Variants in EBF3 observed in about 807,000 individuals in gnomAD.
EBF3 encodes the protein transcription factor COE3.
Under a neutral mutation model 77.1 loss-of-function variants are expected in EBF3, and 18 were observed. The ratio of observed to expected loss-of-function variants is 0.23; its 90% confidence interval spans 0.16 to 0.35. The LOEUF (loss-of-function observed/expected upper bound fraction) is 0.35, where lower values mean the gene tolerates loss of function less well. EBF3 is among the 10% of genes least tolerant of loss of function. The pLI is 1.00. For missense variants in EBF3, 558 were observed against 860.0 expected (o/e 0.65, Z 4.39); for synonymous variants, 350 against 343.5 (o/e 1.02, Z -0.21).
chr10:129,958,656 G>A (rs1259792562), intron 5 of EBF3, among the ~76,000 whole-genome samples: 2 of 152,216 alleles, frequency 1.3e-5, no homozygotes, highest in Admixed American at 6.5e-5. Context: ...GCGGACGGAT[G>A]CATCACCCAG....
Position 129,964,111 on chromosome 10 carries a change from C to CG in EBF3, c.-344dup. On this transcript the variant is annotated 5_prime_UTR_variant, in exon 1 of 17. Transcript: ENST00000440978. This position sits in a 1 kb window ranked among gnomAD's most constrained non-coding sequence, Gnocchi z 4.5. ...CGGCGTCCGCGGCTGCAGGACACTG[C>CG]GGGATCGCCCGCTTCTGGCGCGGCC... 1 of 985,076 alleles carries CG rather than the reference C, an allele frequency of 1.0e-6. No individual in the cohort carries two copies. Among genetic ancestry groups the CG allele is most frequent in the South Asian group, 4.7e-5 (1 of 21,292 alleles). 61.0% of individuals were successfully genotyped at this position (985,076 alleles called of 1,614,324 possible). A position where few individuals can be genotyped will look rare whatever the true frequency, so the allele number is the denominator to read the frequency against.
intron 6 of EBF3, among the ~76,000 whole-genome samples, chr10:129,936,235 G>C (rs1233643129): frequency 6.6e-6 from 1 of 152,200 alleles, no homozygotes; most frequent in African/African-American, 2.4e-5. Flanking sequence ...CCCAGGGAAG[G>C]TGAGGACTGG....
At chr10:129,937,080 TGAG>T (rs1310121594) in intron 6 of EBF3, among the ~76,000 whole-genome samples, 2 of 152,024 alleles carry the variant, frequency 1.3e-5, no homozygotes, top group African/African-American at 4.8e-5. Flanking sequence ...AGGGCTGCAG[TGAG>T]GAGGAGCCCA....
At chr10:129,960,988 C>G (rs1859472834) in intron 4 of EBF3, among the ~76,000 whole-genome samples, 1 of 152,220 alleles carries the variant, frequency 6.6e-6, no homozygotes, top group South Asian at 2.1e-4. Flanking sequence ...CCTGTCAGAT[C>G]TGTTTTACTC....
chr10:129,945,667 C>T (rs1001344594), intron 6 of EBF3, among the ~76,000 whole-genome samples: 3 of 152,168 alleles, frequency 2.0e-5, no homozygotes, highest in Non-Finnish European at 2.9e-5. Context: ...GTCCAATCTG[C>T]GATCAATTCA....
At chr10:129,915,493 CACACA>C (rs748578062) in intron 6 of EBF3, among the ~76,000 whole-genome samples, 1 of 104,050 alleles carries the variant, frequency 9.6e-6, no homozygotes, top group Non-Finnish European at 2.1e-5. Context: ...CACACACACA[CACACA>C]AAAAAGCCAA....
chr10:129,957,371 T>C, intron 5 of EBF3, 45 bp from the exon 6 acceptor site: 1 of 1,496,996 alleles, frequency 6.7e-7, no homozygotes, highest in Non-Finnish European at 9.0e-7. Flanking sequence ...CATTTCCCCC[T>C]TTTATGCCCG....
At position 129,947,313 on chromosome 10, in the gene EBF3, G is replaced by C. The variant is rs552425759; in HGVS notation, c.554+9945C>G. On this transcript the variant is annotated intron_variant, in intron 6 of 16. Coordinates refer to ENST00000440978, the MANE Select transcript of EBF3 (RefSeq NM_001375380.1). The surrounding 1 kb of genome is among the most constrained non-coding windows in gnomAD (Gnocchi z 4.5). ...ACCATAAAAACCCTTGCATTACTCT[G>C]TCTCGTATTAAATACCACATATAAC... Among the ~76,000 whole-genome samples, 2 of 152,280 alleles carry C rather than the reference G, an allele frequency of 1.3e-5. No homozygotes were observed. The highest frequency in any genetic ancestry group is 4.1e-4 in the South Asian group (2 of 4,830).
At position 129,930,416 on chromosome 10, in the gene EBF3, A is replaced by T. The variant is rs185458463; in HGVS notation, c.554+26842T>A. On this transcript the variant is annotated intron_variant, in intron 6 of 16. Coordinates refer to ENST00000440978, the MANE Select transcript of EBF3 (RefSeq NM_001375380.1). ...TATACCTGTCTATATCTATCTCTAT[A>T]CTAACAAATCCCCCTCTCATATATC... 2.9e-4 allele frequency among the ~76,000 whole-genome samples: 43 copies of T among 150,312 alleles called. No individual in the cohort carries two copies. The East Asian group carries it at 7.7e-3, about 27-fold the overall frequency.
At chr10:129,896,684 C>A (rs1854414643) in intron 6 of EBF3, among the ~76,000 whole-genome samples, 1 of 152,216 alleles carries the variant, frequency 6.6e-6, no homozygotes, top group Admixed American at 6.5e-5. Flanking sequence ...CTTTGTCTTC[C>A]CTGCTCCTCC....
At chr10:129,940,103 T>C (rs536257000) in intron 6 of EBF3, among the ~76,000 whole-genome samples, 1 of 152,334 alleles carries the variant, frequency 6.6e-6, no homozygotes, top group Admixed American at 6.5e-5. Flanking sequence ...TGGGTCAGAC[T>C]CAAGCCCCTG....
rs546198240 is a variant in EBF3 at position 129,863,525 on chromosome 10, G to C, written c.1039+3616C>G. Among the ~76,000 whole-genome samples, 1 of 152,210 alleles carries C rather than the reference G, an allele frequency of 6.6e-6. No homozygotes were observed. Among genetic ancestry groups the C allele is most frequent in the African/African-American group, 2.4e-5 (1 of 41,464 alleles). ...GCCTCTGGCGGGCGGCCCCTCCTCT[G>C]AGCACAGGTTCATTAGCCCTCCGCC... is the stretch of plus-strand genomic sequence containing the variant. On this transcript the variant is annotated intron_variant, in intron 10 of 16. Coordinates refer to ENST00000440978, the MANE Select transcript of EBF3 (RefSeq NM_001375380.1). This position sits in a 1 kb window ranked among gnomAD's most constrained non-coding sequence, Gnocchi z 4.0.
At chr10:129,915,826 A>G (rs1418443728) in intron 6 of EBF3, among the ~76,000 whole-genome samples, 1 of 152,174 alleles carries the variant, frequency 6.6e-6, no homozygotes, top group Non-Finnish European at 1.5e-5. Flanking sequence ...TGAAGATGAG[A>G]AGGGGCTGGC....
At chr10:129,862,370 G>A (rs561402890) in intron 10 of EBF3, among the ~76,000 whole-genome samples, 29 of 152,206 alleles carry the variant, frequency 1.9e-4, no homozygotes, top group Admixed American at 1.1e-3. Context: ...TGTCCACTTC[G>A]GATGTGGTTG....
chr10:129,847,213 G>A (rs1850532710), intron 11 of EBF3, among the ~76,000 whole-genome samples: 1 of 152,062 alleles, frequency 6.6e-6, no homozygotes, highest in African/African-American at 2.4e-5. Flanking sequence ...CTCAAACCCA[G>A]TGCTTCCATG....
chr10:129,921,736 G>A (rs1180759348), intron 6 of EBF3, among the ~76,000 whole-genome samples: 2 of 152,206 alleles, frequency 1.3e-5, no homozygotes, highest in Admixed American at 1.3e-4. Context: ...AGCACAGAAG[G>A]TGACAGCCAC....
intron 16 of EBF3, 128 bp from the exon 17 acceptor site, chr10:129,838,088 C>T: frequency 2.6e-6 from 3 of 1,151,694 alleles, no homozygotes; most frequent in Non-Finnish European, 3.8e-6. Context: ...GTTCCGTCCA[C>T]CAGCCTCGGG....
At position 129,838,967 on chromosome 10, in the gene EBF3, C is replaced by A. The variant is rs949494299; in HGVS notation, c.1872+116G>T. ...ACCTCACCACCTGCCTCTGCAACGACCCTGGTGTGGTGCCCGCTGATGGCA... is the reference window on the plus strand; with the variant it reads ...ACCTCACCACCTGCCTCTGCAACGAACCTGGTGTGGTGCCCGCTGATGGCA... On this transcript the variant is annotated intron_variant, in intron 16 of 16. Coordinates refer to ENST00000440978, the MANE Select transcript of EBF3 (RefSeq NM_001375380.1). 26 of 1,032,784 alleles carry A rather than the reference C, an allele frequency of 2.5e-5. No homozygotes were observed. In the African/African-American group the frequency reaches 4.0e-4, roughly 16 times the overall value. 64.0% of individuals were successfully genotyped at this position (1,032,784 alleles called of 1,614,324 possible). A position where few individuals can be genotyped will look rare whatever the true frequency, so the allele number is the denominator to read the frequency against.
rs1292893750 is a variant in EBF3 at position 129,861,185 on chromosome 10, G to A, written c.1039+5956C>T. On this transcript the variant is annotated intron_variant, in intron 10 of 16. Transcript: ENST00000440978. The surrounding 1 kb of genome is among the most constrained non-coding windows in gnomAD (Gnocchi z 4.3). ...GTGCCGTAGCAGTGGGGAGGACAGC[G>A]GTGGGAGCCTGCCCTCCCTCCCTTC... Among the ~76,000 whole-genome samples, 4 of 152,138 alleles carry A rather than the reference G, an allele frequency of 2.6e-5. No homozygotes were observed. The highest frequency in any genetic ancestry group is 7.2e-5 in the African/African-American group (3 of 41,418).
Sources: gnomAD v4.1 joint callset for allele counts (sites outside exome capture counted in the v4.1 genomes callset) on GRCh38, gnomAD v4.1.1 for gene constraint, Gnocchi (gnomAD v3.1) non-coding constraint, MANE v1.5 for transcripts, NCBI Gene and HGNC (gene_info 2026-07-23, HGNC 2026-07-21) for gene names.